The following SLC5A9 variants were observed in gnomAD, a reference collection of about 807,000 sequenced individuals.
The protein encoded by SLC5A9 is solute carrier family 5 member 9, also known as sodium/glucose cotransporter 4.
A neutral mutation model predicts 70.9 loss-of-function variants in SLC5A9; 59 were observed. The ratio of observed to expected loss-of-function variants is 0.83; its 90% CI spans 0.68 to 1.03. SLC5A9 has a LOEUF of 1.03. Ranked by LOEUF, SLC5A9 falls within the 50% of genes least tolerant of loss-of-function variation. The probability of loss-of-function intolerance (pLI) is 0.00; values close to 1 mark genes in which losing one functional copy is unlikely to be tolerated. For missense variants in SLC5A9, 832 were observed against 881.1 expected (o/e 0.94, Z 0.71); for synonymous variants, 340 against 346.5 (o/e 0.98, Z 0.21).
chr1:48,234,973 G>A (rs1287217238), intron 9 of SLC5A9, among the ~76,000 whole-genome samples: 2 of 152,194 alleles, frequency 1.3e-5, no homozygotes, highest in African/African-American at 4.8e-5. Flanking sequence ...CTTCAAGGGA[G>A]AGAGGGGGAC....
chr1:48,231,226 T>A (rs1476235514), intron 5 of SLC5A9, among the ~76,000 whole-genome samples: 1 of 151,982 alleles, frequency 6.6e-6, no homozygotes, highest in Admixed American at 6.5e-5. Flanking sequence ...AAGCAGGGAG[T>A]ATTCCTGGCA....
intron 12 of SLC5A9, chr1:48,240,657 T>G (rs1644380919): frequency 6.6e-6 from 1 of 152,352 alleles, no homozygotes; most frequent in South Asian, 2.1e-4. Flanking sequence ...CCTCAACCTC[T>G]TCTCCATTGC....
chr1:48,228,763 A>G, intron 2 of SLC5A9, 87 bp from the exon 3 acceptor site: 1 of 1,572,928 alleles, frequency 6.4e-7, no homozygotes, highest in East Asian at 2.3e-5. Context: ...CCCAACAAAT[A>G]TCAGCTCCTC....
At position 48,230,651 on chromosome 1, in the gene SLC5A9, C is replaced by T. The variant is rs1178546292; in HGVS notation, c.556C>T (p.Leu186=). The T allele has an allele frequency of 1.7e-5, 28 of 1,614,012 alleles. No homozygotes were observed. The highest frequency in any genetic ancestry group is 2.0e-5 in the Non-Finnish European group (24 of 1,180,018). ...LFIQMALGWN[L]YLSTGILLVV... is the part of the protein sequence containing the mutation. ...CATCCAGATGGCATTGGGCTGGAACCTGTACCTCTCCACAGGGATCCTGCT... is the reference window on the plus strand; with the variant it reads ...CATCCAGATGGCATTGGGCTGGAACTTGTACCTCTCCACAGGGATCCTGCT... Residue 186 remains leucine, a synonymous_variant, in exon 5 of 14, where the codon CTG becomes TTG. Transcript: ENST00000438567.
At chr1:48,235,666 T>C (rs1644315391) in intron 9 of SLC5A9, 63 bp from the exon 10 acceptor site, 5 of 1,601,450 alleles carry the variant, frequency 3.1e-6, no homozygotes, top group Middle Eastern at 1.7e-4. Flanking sequence ...CAGCAGCCTC[T>C]GTAGTCCTGG....
At position 48,231,967 on chromosome 1, in the gene SLC5A9, A is replaced by ACAG; in HGVS notation, c.714_715insAGC (p.Tyr238_Pro239insSer). 1 of 1,614,036 alleles carries ACAG rather than the reference A, an allele frequency of 6.2e-7. No homozygotes were observed. Among genetic ancestry groups the ACAG allele is most frequent in the Non-Finnish European group, 8.5e-7 (1 of 1,180,000 alleles). ...ACAGGCTTTCAGGACGTGGGCTGGTACCCAGGCCTGGAGCAGCGGTACAGG... is the reference window on the plus strand; with the variant it reads ...ACAGGCTTTCAGGACGTGGGCTGGTACAGCCCAGGCCTGGAGCAGCGGTACAGG... On this transcript the variant is annotated inframe_insertion, in exon 7 of 14. Transcript: ENST00000438567.
chr1:48,233,058 AAAG>A (rs1329516584), intron 8 of SLC5A9, among the ~76,000 whole-genome samples: 1 of 151,656 alleles, frequency 6.6e-6, no homozygotes, highest in East Asian at 1.9e-4. Context: ...AAAGAAAAGA[AAAG>A]AAAAAAGAAA....
chr1:48,232,933 GA>G (rs1644272367), intron 8 of SLC5A9, among the ~76,000 whole-genome samples: 1 of 108,966 alleles, frequency 9.2e-6, no homozygotes, highest in African/African-American at 3.4e-5. Context: ...AAGAAAGAAA[GA>G]AAAGAAGAAG....
At position 48,231,427 on chromosome 1, in the gene SLC5A9, C is replaced by T. The variant is rs1460208780; in HGVS notation, c.611-118C>T. 3 of 1,255,392 alleles carry T rather than the reference C, an allele frequency of 2.4e-6. No individual in the cohort carries two copies. In the East Asian group the frequency reaches 7.6e-5, roughly 32 times the overall value. The allele number at this position is 1,255,392 out of a possible 1,614,324, so 77.8% of individuals were successfully genotyped here. A position where few individuals can be genotyped will look rare whatever the true frequency, so the allele number is the denominator to read the frequency against. ...GGAGAAAGGCAGTGGCCAGAGTTCC[C>T]CTGCTAAGAGGGCTGTGTGTCTTCT... On this transcript the variant is annotated intron_variant, in intron 5 of 13. Coordinates refer to ENST00000438567, the MANE Select transcript of SLC5A9 (RefSeq NM_001011547.3).
chr1:48,233,706 G>C lies in SLC5A9; in HGVS notation c.1085G>C (p.Arg362Pro), dbSNP rs144112204. The C allele has an allele frequency of 1.9e-5, 30 of 1,614,116 alleles. No homozygotes were observed. The highest frequency in any genetic ancestry group is 2.3e-5 in the Non-Finnish European group (27 of 1,180,026). Reference protein sequence around the residue: ...PDVCQRICGARVGCSNIAYPK... With the variant: ...PDVCQRICGAPVGCSNIAYPK... ...GTCTGCCAAAGAATCTGTGGGGCCC[G>C]AGTGGGATGTTCCAACATTGCCTAC... is the stretch of plus-strand genomic sequence containing the variant. The change falls in exon 9 of 14, where the codon CGA (arginine) becomes CCA (proline). Residue 362 changes from arginine to proline, a missense_variant. Coordinates refer to ENST00000438567, the MANE Select transcript of SLC5A9 (RefSeq NM_001011547.3).
chr1:48,240,870 G>T (rs979078048), intron 12 of SLC5A9, among the ~76,000 whole-genome samples: 8 of 152,138 alleles, frequency 5.3e-5, no homozygotes, highest in Non-Finnish European at 1.0e-4. Flanking sequence ...CCAACATTCT[G>T]CTGAAATCGC....
At chr1:48,240,907 TA>T (rs1453124877) in intron 12 of SLC5A9, among the ~76,000 whole-genome samples, 1 of 152,224 alleles carries the variant, frequency 6.6e-6, no homozygotes, top group Admixed American at 6.5e-5. Context: ...GATAACATCT[TA>T]TTGCTAAAAT....
At chr1:48,242,184 A>T in intron 12 of SLC5A9, 1 of 500,176 alleles carries the variant, frequency 2.0e-6, no homozygotes, top group Non-Finnish European at 3.7e-6. Context: ...CAGTCTGTAA[A>T]ATCCATGAGG....
At chr1:48,236,721 T>C (rs1381701878) in intron 10 of SLC5A9, among the ~76,000 whole-genome samples, 4 of 152,228 alleles carry the variant, frequency 2.6e-5, no homozygotes, top group Non-Finnish European at 4.4e-5. Context: ...TTGCACTCAC[T>C]GTTCTTTCCA....
intron 13 of SLC5A9, among the ~76,000 whole-genome samples, chr1:48,245,822 G>A (rs967801098): frequency 4.0e-5 from 6 of 151,836 alleles, no homozygotes; most frequent in Non-Finnish European, 7.4e-5. Flanking sequence ...TTAGCAGGGC[G>A]TGGTGGTGCA....
At chr1:48,245,077 T>TA (rs1644445604) in intron 13 of SLC5A9, among the ~76,000 whole-genome samples, 1 of 140,444 alleles carries the variant, frequency 7.1e-6, no homozygotes, top group African/African-American at 2.6e-5. Context: ...CCTGAGACTT[T>TA]TATATATATA....
chr1:48,230,572 T>G (rs558942019), intron 4 of SLC5A9, 28 bp from the exon 5 acceptor site: 3 of 1,581,184 alleles, frequency 1.9e-6, no homozygotes. Flanking sequence ...TCGGGTGGTC[T>G]GGCCTCTTGG....
At chr1:48,246,210 G>C (rs1644458641) in intron 13 of SLC5A9, among the ~76,000 whole-genome samples, 1 of 152,112 alleles carries the variant, frequency 6.6e-6, no homozygotes, top group Non-Finnish European at 1.5e-5. Flanking sequence ...GTTTGGAACA[G>C]CTTGGAAAAT....
chr1:48,225,252 A>C (rs1422895984), intron 2 of SLC5A9, among the ~76,000 whole-genome samples: 1 of 152,158 alleles, frequency 6.6e-6, no homozygotes, highest in Non-Finnish European at 1.5e-5. Flanking sequence ...TTAATATTGA[A>C]GAACAGTTAA....
Sources: allele counts gnomAD v4.1 joint callset (sites outside exome capture counted in the v4.1 genomes callset), GRCh38; gene constraint gnomAD v4.1.1; transcripts MANE v1.5; gene names NCBI Gene and HGNC (gene_info 2026-07-23, HGNC 2026-07-21).